The following HMX1 variants were observed in gnomAD, a reference collection of about 807,000 sequenced individuals.
The protein encoded by HMX1 is homeobox protein HMX1.
A neutral mutation model predicts 8.9 loss-of-function variants in HMX1; 8 were observed. That is an observed-to-expected ratio of 0.90 (90% CI 0.53 to 1.63). HMX1 has a LOEUF of 1.63. Among genes scored for constraint, HMX1 ranks in the 40% most tolerant of loss-of-function variants. HMX1 has a pLI of 0.00. For missense variants in HMX1, 621 were observed against 558.5 expected (o/e 1.11, Z -1.13); for synonymous variants, 311 against 283.4 (o/e 1.10, Z -0.98).
At position 8,871,406 on chromosome 4, in the gene HMX1, T is replaced by A; in HGVS notation, c.209A>T (p.Gln70Leu). The A allele has an allele frequency of 7.9e-7, 1 of 1,268,024 alleles. No homozygotes were observed. Among genetic ancestry groups the A allele is most frequent in the Non-Finnish European group, 1.0e-6 (1 of 1,000,608 alleles). 78.5% of individuals were successfully genotyped at this position (1,268,024 alleles called of 1,614,324 possible). A position where few individuals can be genotyped will look rare whatever the true frequency, so the allele number is the denominator to read the frequency against. Residue 70 changes from glutamine to leucine, a missense_variant, in exon 1 of 2, where the codon CAG (glutamine) becomes CTG (leucine). By Grantham distance (113) the Gln-to-Leu change is moderately radical. Coordinates refer to ENST00000400677, the MANE Select transcript of HMX1 (RefSeq NM_018942.3). This position sits in a 1 kb window ranked among gnomAD's most constrained non-coding sequence, Gnocchi z 4.8. Reference sequence around the variant, plus strand: ...GCCGGGCCCGGTGCCCGCGAGCAACTGTCGCCGCCGCTGTAGCCGTCGCCG... The same window carrying A: ...GCCGGGCCCGGTGCCCGCGAGCAACAGTCGCCGCCGCTGTAGCCGTCGCCG... ...ARRRRLQRRR[Q>L]LLAGTGPGGE...
At chr4:8,864,546 G>A (rs1204533580), downstream of HMX1, among the ~76,000 whole-genome samples, 1 of 152,230 alleles carries the variant, frequency 6.6e-6, no homozygotes, top group Non-Finnish European at 1.5e-5. Context: ...TGGCGCCGGA[G>A]CTCAGGACTC....
rs1417859115 is a variant in HMX1, at chr4:8,847,043, A to C, written c.395-719T>G. On this transcript the variant is annotated intron_variant, in intron 1 of 1. Coordinates refer to the HMX1 transcript ENST00000506970. The surrounding 1 kb of genome is among the most constrained non-coding windows in gnomAD (Gnocchi z 6.0). ...TGACTATGACTCAGCTCCTGTCTCA[A>C]AGTGCCAGGCCCAGGGCTGCTGACA... Among the ~76,000 whole-genome samples, 5 of 152,212 alleles carry C rather than the reference A, an allele frequency of 3.3e-5. No individual in the cohort carries two copies. Among genetic ancestry groups the C allele is most frequent in the Non-Finnish European group, 7.3e-5 (5 of 68,034 alleles).
At chr4:8,862,252 G>C (rs1453382619), downstream of HMX1, among the ~76,000 whole-genome samples, 1 of 152,230 alleles carries the variant, frequency 6.6e-6, no homozygotes, top group East Asian at 1.9e-4. Flanking sequence ...TAAAAGCAGA[G>C]TGCAAGCTGG....
At chr4:8,861,842 C>G (rs1180974767) in intron 1 of HMX1, among the ~76,000 whole-genome samples, 1 of 152,252 alleles carries the variant, frequency 6.6e-6, no homozygotes, top group Non-Finnish European at 1.5e-5. Flanking sequence ...ACCAAGCACG[C>G]CGAGTGCGTC....
At chr4:8,860,639 G>C (rs1190389849) in intron 1 of HMX1, 3 of 152,300 alleles carry the variant, frequency 2.0e-5, no homozygotes, top group Non-Finnish European at 4.4e-5. Context: ...GCGGCCCGCC[G>C]TGTCTCCACC....
intron 1 of HMX1, among the ~76,000 whole-genome samples, chr4:8,851,758 AC>A (rs966147288): frequency 6.6e-6 from 1 of 152,172 alleles, no homozygotes. Flanking sequence ...CTGAAGTCTA[AC>A]CCCCAAGTCC....
chr4:8,851,018 C>T (rs937995526), intron 1 of HMX1, among the ~76,000 whole-genome samples: 1 of 152,256 alleles, frequency 6.6e-6, no homozygotes, highest in Non-Finnish European at 1.5e-5. Flanking sequence ...TAGCACGGGG[C>T]CCTGGCAGAC....
At chr4:8,865,750 C>T (rs1192217969), downstream of HMX1, among the ~76,000 whole-genome samples, 1 of 152,152 alleles carries the variant, frequency 6.6e-6, no homozygotes, top group Non-Finnish European at 1.5e-5. Flanking sequence ...TGGCCGCCAA[C>T]AGGGAGCTTT....
At chr4:8,851,327 C>A (rs1340082536) in intron 1 of HMX1, among the ~76,000 whole-genome samples, 6 of 152,220 alleles carry the variant, frequency 3.9e-5, no homozygotes, top group African/African-American at 1.4e-4. Flanking sequence ...TGGCCTAGAT[C>A]CAGCTTGGGA....
chr4:8,868,011 G>A lies in HMX1; in HGVS notation c.729C>T (p.Thr243=), dbSNP rs768823570. 2 of 1,544,100 alleles carry A rather than the reference G, an allele frequency of 1.3e-6. No homozygotes were observed. Among genetic ancestry groups the A allele is most frequent in the East Asian group, 2.5e-5 (1 of 39,540 alleles). The change falls in exon 2 of 2, where the codon ACC becomes ACT. Residue 243 remains threonine (T), a synonymous_variant. Coordinates refer to ENST00000400677, the MANE Select transcript of HMX1 (RefSeq NM_018942.3). The surrounding 1 kb of genome is among the most constrained non-coding windows in gnomAD (Gnocchi z 4.6). ...RAGLAASLQL[T]ETQVKIWFQN... is the part of the protein sequence containing the mutation. ...GGAACCAGATCTTAACCTGCGTCTC[G>A]GTGAGCTGCAGGGAGGCGGCCAGGC...
chr4:8,855,984 G>A (rs556677058), intron 1 of HMX1, among the ~76,000 whole-genome samples: 8 of 152,226 alleles, frequency 5.3e-5, no homozygotes, highest in Non-Finnish European at 1.0e-4. Flanking sequence ...CATGCTGGAA[G>A]GGAGCTTGGG....
Position 8,848,581 on chromosome 4 carries a change from G to A in HMX1, c.395-2257C>T, listed in dbSNP as rs1156874510. ...GGTCACACAGCATGTGGATGGAGCTGGGCCCATAACTTGGCACTTGCTCCA... is the reference window on the plus strand; with the variant it reads ...GGTCACACAGCATGTGGATGGAGCTAGGCCCATAACTTGGCACTTGCTCCA... On this transcript the variant is annotated intron_variant, in intron 1 of 1. Transcript: ENST00000506970. This position sits in a 1 kb window ranked among gnomAD's most constrained non-coding sequence, Gnocchi z 4.1. Among the ~76,000 whole-genome samples the A allele has an allele frequency of 2.0e-5, 3 of 152,180 alleles. No individual in the cohort carries two copies. Among genetic ancestry groups the A allele is most frequent in the Non-Finnish European group, 4.4e-5 (3 of 68,018 alleles).
intron 1 of HMX1, among the ~76,000 whole-genome samples, chr4:8,861,702 C>T (rs950051038): frequency 1.3e-5 from 2 of 149,252 alleles, no homozygotes; most frequent in Admixed American, 6.6e-5. Flanking sequence ...CAGCTCTGGC[C>T]TGGGGCGCCG....
Position 8,867,921 on chromosome 4 carries a change from C to A in HMX1, c.819G>T (p.Pro273=), listed in dbSNP as rs1035101412. Residue 273 remains proline (P), a synonymous_variant, in exon 2 of 2, where the codon CCG becomes CCT. Transcript: ENST00000400677. ...CGCGGACCAGGCGCTGCGCTCCCGG[C>A]GGGGACAGGCTGGCCGCCTCCAGCT... is the stretch of plus-strand genomic sequence containing the variant. The part of the protein sequence containing the change: ...AAELEAASLS[P]PGAQRLVRVP... The A allele has an allele frequency of 4.8e-5, 69 of 1,439,218 alleles. No individual in the cohort carries two copies. Among genetic ancestry groups the A allele is most frequent in the Non-Finnish European group, 6.2e-5 (68 of 1,093,928 alleles). 89.2% of individuals were successfully genotyped at this position (1,439,218 alleles called of 1,614,324 possible).
chr4:8,850,748 G>A (rs1054548037), intron 1 of HMX1, among the ~76,000 whole-genome samples: 33 of 152,202 alleles, frequency 2.2e-4, no homozygotes, highest in African/African-American at 6.7e-4. Context: ...GCGGGTGGGC[G>A]TCACCACTCC....
chr4:8,859,497 T>C (rs1183393535), intron 1 of HMX1, among the ~76,000 whole-genome samples: 1 of 152,138 alleles, frequency 6.6e-6, no homozygotes, highest in Non-Finnish European at 1.5e-5. Flanking sequence ...ACAAGGGTAC[T>C]GCCTCTCAGA....
chr4:8,858,679 T>G (rs1487532697), intron 1 of HMX1: 1 of 152,030 alleles, frequency 6.6e-6, no homozygotes, highest in Non-Finnish European at 1.5e-5. Flanking sequence ...ACCGTGACAC[T>G]CAGGCACACA....
At chr4:8,860,507 T>A (rs940705102) in intron 1 of HMX1, 1 of 152,184 alleles carries the variant, frequency 6.6e-6, no homozygotes, top group Non-Finnish European at 1.5e-5. Flanking sequence ...AGCGGGCCAG[T>A]GAAGGCACCG....
Position 8,871,633 on chromosome 4 carries a change from G to T in HMX1, c.-19C>A. On this transcript the variant is annotated 5_prime_UTR_variant, in exon 1 of 2. Coordinates refer to ENST00000400677, the MANE Select transcript of HMX1 (RefSeq NM_018942.3). This position sits in a 1 kb window ranked among gnomAD's most constrained non-coding sequence, Gnocchi z 4.8. ...CAGGCATCGCGGCCGCGGGCTTCTC[G>T]GGCTCGGCCGGGCTCCTCGGTCCCC... 1 of 1,237,998 alleles carries T rather than the reference G, an allele frequency of 8.1e-7. No individual in the cohort carries two copies. The highest frequency in any genetic ancestry group is 1.0e-6 in the Non-Finnish European group (1 of 991,902). 76.7% of individuals were successfully genotyped at this position (1,237,998 alleles called of 1,614,324 possible).
Sources: allele counts gnomAD v4.1 joint callset (sites outside exome capture counted in the v4.1 genomes callset), GRCh38; gene constraint gnomAD v4.1.1; non-coding constraint Gnocchi (gnomAD v3.1); transcripts MANE v1.5; gene names NCBI Gene and HGNC (gene_info 2026-07-23, HGNC 2026-07-21).